Variants in SHANK2 observed in about 807,000 individuals in gnomAD.
SHANK2 encodes the protein SH3 and multiple ankyrin repeat domains protein 2.
In SHANK2, 43 loss-of-function variants were observed where a neutral mutation model predicts 133.7. The ratio of observed to expected loss-of-function variants is 0.32; its 90% confidence interval spans 0.25 to 0.41. The LOEUF is 0.41. Among genes scored for constraint, SHANK2 ranks in the 10% least tolerant of loss-of-function variants. The pLI is 1.00. For synonymous variants in SHANK2, 1,017 were observed against 952.8 expected (o/e 1.07, Z -1.24); for missense variants, 1,994 against 2,235.8 (o/e 0.89, Z 2.18).
At chr11:71,186,829 G>A (rs1360978292) in intron 2 of SHANK2, among the ~76,000 whole-genome samples, 2 of 152,172 alleles carry the variant, frequency 1.3e-5, no homozygotes, top group African/African-American at 4.8e-5. Context: ...ACTTAGGGAA[G>A]GTGATCAATG....
intron 14 of SHANK2, among the ~76,000 whole-genome samples, chr11:70,715,247 T>C (rs1377373123): frequency 2.0e-5 from 3 of 152,206 alleles, no homozygotes; most frequent in South Asian, 2.1e-4. Context: ...AGGACCCTCA[T>C]TGGAGAATGG....
rs989555543 is a variant in SHANK2 at position 71,084,278 on chromosome 11, C to T, written c.912+8144G>A. On this transcript the variant is annotated intron_variant, in intron 8 of 25. Coordinates refer to ENST00000601538, the MANE Select transcript of SHANK2 (RefSeq NM_012309.5). Reference sequence around the variant, plus strand: ...AAGCCACCGCACCCGGCCCGAATAACAACTTTTAAGATAATTTGCAGACAG... The same window carrying T: ...AAGCCACCGCACCCGGCCCGAATAATAACTTTTAAGATAATTTGCAGACAG... 1.1e-3 allele frequency among the ~76,000 whole-genome samples: 165 copies of T among 152,286 alleles called. 1 individual carries two copies. The highest frequency in any genetic ancestry group is 3.9e-3 in the African/African-American group (161 of 41,568).
intron 12 of SHANK2, among the ~76,000 whole-genome samples, chr11:70,809,816 T>C (rs1307556003): frequency 1.3e-5 from 2 of 152,116 alleles, no homozygotes; most frequent in African/African-American, 2.4e-5. Context: ...TCTGAGGACA[T>C]TGAGAGATGG....
chr11:70,952,978 C>T (rs1458927572), intron 10 of SHANK2, among the ~76,000 whole-genome samples: 3 of 152,116 alleles, frequency 2.0e-5, no homozygotes, highest in Non-Finnish European at 4.4e-5. Flanking sequence ...TCCTTCCCAA[C>T]CTCCTGGCAG....
At position 71,175,551 on chromosome 11, in the gene SHANK2, GGAGAGAGA is replaced by G. The variant is rs555218781; in HGVS notation, c.-12-28221_-12-28214del. Among the ~76,000 whole-genome samples the G allele has an allele frequency of 0.014, 550 of 40,594 alleles. 9 individuals carry two copies. The highest frequency in any genetic ancestry group is 0.037 in the African/African-American group (455 of 12,234). The allele number at this position is 40,594 out of a possible 152,430, so 26.6% of individuals were successfully genotyped here. On this transcript the variant is annotated intron_variant, in intron 2 of 25. Transcript: ENST00000601538. The surrounding 1 kb of genome is among the most constrained non-coding windows in gnomAD (Gnocchi z 4.2). ...CAGACAGACAGAGGGAGAGGGAGAG[GGAGAGAGA>G]GAGAGAGAGAGAGAGAGAGAGAGAG...
intron 14 of SHANK2, among the ~76,000 whole-genome samples, chr11:70,751,930 C>A (rs1218487701): frequency 6.6e-6 from 1 of 151,082 alleles, no homozygotes; most frequent in East Asian, 1.9e-4. Context: ...AAATAATAAT[C>A]CAAAAATTAT....
chr11:70,499,980 G>A (rs11823370), intron 21 of SHANK2, among the ~76,000 whole-genome samples: 29 of 152,304 alleles, frequency 1.9e-4, no homozygotes, highest in African/African-American at 5.8e-4. Flanking sequence ...AATACCCCCC[G>A]ATGTGCTTGC....
chr11:70,507,907 C>A (rs1422898929), intron 17 of SHANK2, among the ~76,000 whole-genome samples: 1 of 152,232 alleles, frequency 6.6e-6, no homozygotes, highest in Non-Finnish European at 1.5e-5. Flanking sequence ...TGGGAGGAAC[C>A]CGCAAGAGCG....
At chr11:70,772,520 T>C (rs1947274471) in intron 14 of SHANK2, among the ~76,000 whole-genome samples, 1 of 152,112 alleles carries the variant, frequency 6.6e-6, no homozygotes, top group Non-Finnish European at 1.5e-5. Context: ...CTGATTATAC[T>C]GACTATATCA....
intron 9 of SHANK2, among the ~76,000 whole-genome samples, chr11:71,066,604 G>A (rs1214033612): frequency 1.3e-5 from 2 of 152,154 alleles, no homozygotes; most frequent in African/African-American, 2.4e-5. Flanking sequence ...TCCTTTCAAC[G>A]GCACTGAGGC....
intron 17 of SHANK2, among the ~76,000 whole-genome samples, chr11:70,523,073 T>C (rs1250482012): frequency 6.6e-6 from 1 of 152,170 alleles, no homozygotes; most frequent in Non-Finnish European, 1.5e-5. Context: ...CCTGCAATGC[T>C]GGTGTGGGTG....
At chr11:71,088,171 CCAGAGA>C (rs1951444340) in intron 8 of SHANK2, among the ~76,000 whole-genome samples, 2 of 152,152 alleles carry the variant, frequency 1.3e-5, no homozygotes, top group Admixed American at 1.3e-4. Context: ...AGAGATTCTG[CCAGAGA>C]CAAACAGGAT....
Position 70,927,463 on chromosome 11 carries a change from G to A in SHANK2, c.1108-30896C>T, listed in dbSNP as rs897574018. On this transcript the variant is annotated intron_variant, in intron 10 of 25. Coordinates refer to ENST00000601538, the MANE Select transcript of SHANK2 (RefSeq NM_012309.5). ...GACCAGCGAATCTAGGCCAGGTTGG[G>A]ACTGATGGGGCCCGACATGGGGAGA... Among the ~76,000 whole-genome samples the A allele has an allele frequency of 4.6e-5, 7 of 152,154 alleles. No individual in the cohort carries two copies. In the East Asian group the frequency reaches 9.7e-4, roughly 21 times the overall value.
intron 17 of SHANK2, among the ~76,000 whole-genome samples, chr11:70,538,573 T>C (rs2059573811): frequency 1.3e-5 from 2 of 152,146 alleles, no homozygotes; most frequent in South Asian, 4.1e-4. Context: ...AAAGCTCTGG[T>C]CAGGAGGAAG....
intron 17 of SHANK2, among the ~76,000 whole-genome samples, chr11:70,621,939 G>A (rs571699277): frequency 6.6e-6 from 1 of 152,142 alleles, no homozygotes; most frequent in Non-Finnish European, 1.5e-5. Flanking sequence ...CCACACAGGA[G>A]GGGTGAGGGC....
chr11:70,619,370 G>A (rs1159701961), intron 17 of SHANK2, among the ~76,000 whole-genome samples: 2 of 152,202 alleles, frequency 1.3e-5, no homozygotes, highest in South Asian at 2.1e-4. Flanking sequence ...GACCCCTGGC[G>A]TTCCTTAGCT....
intron 1 of SHANK2, among the ~76,000 whole-genome samples, chr11:71,235,662 C>T (rs1187479093): frequency 1.3e-5 from 2 of 151,738 alleles, no homozygotes; most frequent in East Asian, 1.9e-4. Flanking sequence ...CTAAAAAGAA[C>T]CTCTCATTCT....
At chr11:70,483,718 T>G (rs887389490) in intron 25 of SHANK2, among the ~76,000 whole-genome samples, 2 of 152,142 alleles carry the variant, frequency 1.3e-5, no homozygotes, top group African/African-American at 4.8e-5. Flanking sequence ...GCAACACCCT[T>G]TCTCAAAATT....
intron 17 of SHANK2, among the ~76,000 whole-genome samples, chr11:70,655,223 T>C (rs1368185796): frequency 1.3e-5 from 2 of 152,208 alleles, no homozygotes; most frequent in African/African-American, 4.8e-5. Context: ...GCAAGGAGTA[T>C]AGTCACAAAA....
Sources: allele counts gnomAD v4.1 joint callset (sites outside exome capture counted in the v4.1 genomes callset), GRCh38; gene constraint gnomAD v4.1.1; non-coding constraint Gnocchi (gnomAD v3.1); transcripts MANE v1.5; gene names NCBI Gene and HGNC (gene_info 2026-07-23, HGNC 2026-07-21).